Variants in MAP2K3 observed in about 807,000 individuals in gnomAD.
MAP2K3 encodes dual specificity mitogen-activated protein kinase kinase 3.
A neutral mutation model predicts 46.4 loss-of-function variants in MAP2K3; 30 were observed. The ratio of observed to expected loss-of-function variants is 0.65; its 90% CI spans 0.48 to 0.88. The LOEUF is 0.88. Among genes scored for constraint, MAP2K3 ranks in the 40% least tolerant of loss-of-function variants. The pLI, the probability that MAP2K3 is intolerant of heterozygous loss-of-function variation, is 0.00. For synonymous variants in MAP2K3, 189 were observed against 176.3 expected (o/e 1.07, Z -0.57); for missense variants, 380 against 464.5 (o/e 0.82, Z 1.67).
At chr17:21,295,757 G>C (rs755266464) in intron 1 of MAP2K3, 36 of 1,289,254 alleles carry the variant, frequency 2.8e-5, no homozygotes, top group Non-Finnish European at 3.5e-5. Flanking sequence ...ATATGTGCAA[G>C]TGCCCTTGAC....
intron 9 of MAP2K3, among the ~76,000 whole-genome samples, chr17:21,308,548 G>A (rs1977012139): frequency 6.6e-6 from 1 of 152,292 alleles, no homozygotes. Flanking sequence ...TGTCAGAGAG[G>A]TGGGACTGGG....
chr17:21,293,980 C>T (rs1335628271), intron 1 of MAP2K3, among the ~76,000 whole-genome samples: 1 of 152,310 alleles, frequency 6.6e-6, no homozygotes, highest in Non-Finnish European at 1.5e-5. Flanking sequence ...GTGGCGTCTG[C>T]AGTACCTCAG....
rs62057728 is a variant in MAP2K3 at position 21,303,132 on chromosome 17, A to T, written c.517-51A>T. 1.5e-5 allele frequency: 24 copies of T among 1,611,068 alleles called. No individual in the cohort carries two copies. In the African/African-American group the frequency reaches 3.2e-4, roughly 22 times the overall value. ...TTACTGCTCTGTCGTTTTTGACGTG[A>T]CCAGGAATAACAGAGTCCTGTCTCT... On this transcript the variant is annotated intron_variant, in intron 6 of 11. Transcript: ENST00000342679.
At chr17:21,285,518 C>T (rs1975699138) in intron 1 of MAP2K3, among the ~76,000 whole-genome samples, 2 of 152,102 alleles carry the variant, frequency 1.3e-5, no homozygotes, top group South Asian at 2.1e-4. Flanking sequence ...CTCGGAACTC[C>T]CCGTCCTTCT....
chr17:21,291,333 CAGT>C (rs1567658317), intron 1 of MAP2K3: 14 of 64,040 alleles, frequency 2.2e-4, no homozygotes, highest in South Asian at 5.1e-4. Flanking sequence ...CAATAGAATA[CAGT>C]ACAATACAAT....
At chr17:21,303,981 G>C (rs899213985) in intron 7 of MAP2K3, among the ~76,000 whole-genome samples, 6 of 152,308 alleles carry the variant, frequency 3.9e-5, no homozygotes, top group Non-Finnish European at 1.5e-5. Context: ...AATCCCTGCT[G>C]GGCTGCTCTC....
At chr17:21,302,916 G>C (rs527427735) in intron 6 of MAP2K3, among the ~76,000 whole-genome samples, 1 of 152,292 alleles carries the variant, frequency 6.6e-6, no homozygotes, top group African/African-American at 2.4e-5. Context: ...CCCAAGAAGA[G>C]TGTGGCAGGC....
chr17:21,314,127 G>C lies in MAP2K3; in HGVS notation c.961-20G>C. ...CTCCCGCTACCCCTCCATGGTGACT[G>C]TGCCTTCTGTCACCCCCAGGAGCAC... On this transcript the variant is annotated intron_variant, in intron 11 of 11. Transcript: ENST00000342679. 1 of 1,595,316 alleles carries C rather than the reference G, an allele frequency of 6.3e-7. No homozygotes were observed.
chr17:21,304,686 G>C (rs1006616009), intron 8 of MAP2K3, 133 bp downstream of exon 8: 39 of 1,419,540 alleles, frequency 2.7e-5, no homozygotes, highest in Non-Finnish European at 3.5e-5. Flanking sequence ...TGCTGTAGTG[G>C]GGCCACCTGT....
chr17:21,293,065 C>G, intron 1 of MAP2K3, among the ~76,000 whole-genome samples: 1 of 152,308 alleles, frequency 6.6e-6, no homozygotes, highest in East Asian at 1.9e-4. Context: ...CAGGACACCC[C>G]AGCACATAGT....
intron 5 of MAP2K3, 100 bp from the exon 6 acceptor site, chr17:21,302,043 A>T: frequency 6.5e-3 from 17 of 2,610 alleles, no homozygotes; most frequent in Middle Eastern, 0.1. Flanking sequence ...CACACGTCGG[A>T]GAGGGGGCTG....
In MAP2K3 at chr17:21,311,190, G is replaced by C. The variant is rs567580603; in HGVS notation, c.775-952G>C. 2.6e-5 allele frequency among the ~76,000 whole-genome samples: 4 copies of C among 152,334 alleles called. No individual in the cohort carries two copies. In the South Asian group the frequency reaches 8.3e-4, roughly 32 times the overall value. ...TCCGGGCTCCAGTTGCCAGTGCCAA[G>C]TGTTTGTGCTGAGGTCTCTTCCGTT... On this transcript the variant is annotated intron_variant, in intron 9 of 11. Transcript: ENST00000342679.
rs766473365 is a variant in MAP2K3 at position 21,314,193 on chromosome 17, C to T, written c.1007C>T (p.Ala336Val). ...CACAAAACCAAGAAGACGGACATTG[C>T]TGCCTTCGTGAAGGAGATCCTGGGA... is the stretch of plus-strand genomic sequence containing the variant. ...TLHKTKKTDI[A>V]AFVKEILGED... Residue 336 changes from alanine to valine, a missense_variant, in exon 12 of 12, where the codon GCT becomes GTT. By Grantham distance (64) the Ala-to-Val change is moderately conservative. This residue lies in a region of MAP2K3 where 63 missense variants were observed against 81.6 expected (regional missense o/e 0.77). Coordinates refer to ENST00000342679, the MANE Select transcript of MAP2K3 (RefSeq NM_145109.3). 1.9e-6 allele frequency: 3 copies of T among 1,613,960 alleles called. No homozygotes were observed. The African/African-American group carries it at 4.0e-5, about 22-fold the overall frequency.
chr17:21,296,296 GA>G, intron 1 of MAP2K3: 4 of 885,456 alleles, frequency 4.5e-6, no homozygotes, highest in Non-Finnish European at 4.8e-6. Flanking sequence ...CGCAGAGCTG[GA>G]GTTTACCACG....
chr17:21,293,492 C>CT (rs1976061689), intron 1 of MAP2K3, among the ~76,000 whole-genome samples: 1 of 152,312 alleles, frequency 6.6e-6, no homozygotes, highest in Non-Finnish European at 1.5e-5. Flanking sequence ...TCTGGCCTCC[C>CT]CACCGGATGT....
chr17:21,298,858 G>T lies in MAP2K3; in HGVS notation c.117-20G>T. The T allele has an allele frequency of 1.2e-6, 2 of 1,613,884 alleles. No individual in the cohort carries two copies. The highest frequency in any genetic ancestry group is 2.2e-5 in the South Asian group (2 of 91,078). On this transcript the variant is annotated intron_variant, in intron 2 of 11. Transcript: ENST00000342679. ...GGGTGTGGTTCTCTCTGAAGCTCAC[G>T]GAGTCTTCTTTCTCCACAGACCCCC...
At chr17:21,295,605 C>G in intron 1 of MAP2K3, 1 of 1,285,242 alleles carries the variant, frequency 7.8e-7, no homozygotes, top group East Asian at 5.6e-5. Context: ...TCACCCACTC[C>G]CTCTGACAGC....
At chr17:21,291,877 G>C (rs1411356463) in intron 1 of MAP2K3, among the ~76,000 whole-genome samples, 1 of 152,312 alleles carries the variant, frequency 6.6e-6, no homozygotes, top group African/African-American at 2.4e-5. Context: ...CCGGACCCTT[G>C]CTCATCCTTT....
At chr17:21,287,389 C>G (rs544779943) in intron 1 of MAP2K3, among the ~76,000 whole-genome samples, 1 of 152,350 alleles carries the variant, frequency 6.6e-6, no homozygotes, top group Non-Finnish European at 1.5e-5. Flanking sequence ...TCACTCTGTG[C>G]CCACCCCATC....
Sources: gnomAD v4.1 joint callset for allele counts (sites outside exome capture counted in the v4.1 genomes callset) on GRCh38, gnomAD v4.1.1 for gene constraint, gnomAD v4.1.1 regional missense constraint, MANE v1.5 for transcripts, NCBI Gene and HGNC (gene_info 2026-07-23, HGNC 2026-07-21) for gene names.